SH3PXD2A: variants seen among roughly 807,000 people sequenced by gnomAD.
The protein encoded by SH3PXD2A is SH3 and PX domain-containing protein 2A.
In SH3PXD2A, 32 loss-of-function variants were observed where a neutral mutation model predicts 115.2. That is an observed-to-expected ratio of 0.28 (90% confidence interval 0.21 to 0.37). SH3PXD2A has a LOEUF of 0.37. SH3PXD2A is among the 10% of genes least tolerant of loss of function. SH3PXD2A has a pLI of 1.00. For synonymous variants in SH3PXD2A, 610 were observed against 629.1 expected (o/e 0.97, Z 0.45); for missense variants, 1,328 against 1,498.7 (o/e 0.89, Z 1.88).
chr10:103,803,943 G>A (rs4540778), intron 1 of SH3PXD2A, among the ~76,000 whole-genome samples: 83,258 of 151,998 alleles, frequency 0.55, 24,163 homozygotes, highest in South Asian at 0.69. Flanking sequence ...ACTCTAAGTC[G>A]GGGACGAGGG....
chr10:103,835,065 G>C (rs964303474), intron 1 of SH3PXD2A, among the ~76,000 whole-genome samples: 2 of 152,208 alleles, frequency 1.3e-5, no homozygotes, highest in Non-Finnish European at 2.9e-5. Flanking sequence ...ACACAGGTGG[G>C]GCAGAGGTGG....
chr10:103,739,257 T>C (rs74157322), intron 3 of SH3PXD2A, among the ~76,000 whole-genome samples: 4,769 of 152,298 alleles, frequency 0.031, 239 homozygotes, highest in African/African-American at 0.1. Context: ...CGGGCCACTG[T>C]GCCTGGGGCT....
chr10:103,666,858 G>A lies in SH3PXD2A; in HGVS notation c.472+1750C>T, dbSNP rs1391306408. Among the ~76,000 whole-genome samples the A allele has an allele frequency of 1.3e-5, 2 of 152,216 alleles. No individual in the cohort carries two copies. The highest frequency in any genetic ancestry group is 1.3e-4 in the Admixed American group (2 of 15,282). On this transcript the variant is annotated intron_variant, in intron 7 of 14. Coordinates refer to ENST00000369774, the MANE Select transcript of SH3PXD2A (RefSeq NM_001394015.1). This position sits in a 1 kb window ranked among gnomAD's most constrained non-coding sequence, Gnocchi z 4.5. Reference sequence around the variant, plus strand: ...CGTGGGCTCACCAGCAGGCAGCTCGGTGCCAGGGCTGCAGGTGCCAGGAGA... The same window carrying A: ...CGTGGGCTCACCAGCAGGCAGCTCGATGCCAGGGCTGCAGGTGCCAGGAGA...
chr10:103,763,583 C>A (rs2038722985), intron 3 of SH3PXD2A, among the ~76,000 whole-genome samples: 1 of 152,210 alleles, frequency 6.6e-6, no homozygotes, highest in African/African-American at 2.4e-5. Context: ...TCCCTTCAGA[C>A]ACCCTCCCTA....
chr10:103,655,381 C>T (rs1366257944), intron 8 of SH3PXD2A, among the ~76,000 whole-genome samples: 1 of 152,208 alleles, frequency 6.6e-6, no homozygotes, highest in Non-Finnish European at 1.5e-5. Flanking sequence ...TTTCTAGGAG[C>T]AGGCGAATGT....
At chr10:103,828,407 G>T (rs575291015) in intron 1 of SH3PXD2A, among the ~76,000 whole-genome samples, 4 of 152,246 alleles carry the variant, frequency 2.6e-5, no homozygotes, top group African/African-American at 9.6e-5. Context: ...TCAGAATTTG[G>T]TCAGCTTGGA....
intron 1 of SH3PXD2A, among the ~76,000 whole-genome samples, chr10:103,830,898 A>C (rs939206470): frequency 7.1e-6 from 1 of 140,608 alleles, no homozygotes; most frequent in African/African-American, 2.8e-5. Flanking sequence ...AAATAAAAAT[A>C]AGTCAGGATG....
At chr10:103,691,600 C>T (rs956803570) in intron 6 of SH3PXD2A, among the ~76,000 whole-genome samples, 5 of 152,134 alleles carry the variant, frequency 3.3e-5, no homozygotes, top group African/African-American at 4.8e-5. Flanking sequence ...TGGCCTTCTG[C>T]ACCAGTGGGT....
intron 4 of SH3PXD2A, among the ~76,000 whole-genome samples, chr10:103,727,795 G>C (rs2038259859): frequency 6.6e-6 from 1 of 152,240 alleles, no homozygotes; most frequent in Non-Finnish European, 1.5e-5. Flanking sequence ...AGCCCTGAGG[G>C]GAGCCGCGTG....
chr10:103,820,523 G>A (rs748976804), intron 1 of SH3PXD2A, among the ~76,000 whole-genome samples: 10 of 152,102 alleles, frequency 6.6e-5, no homozygotes, highest in Non-Finnish European at 1.2e-4. Flanking sequence ...TCCTCCCCCA[G>A]TGCCCCCTCA....
At chr10:103,613,311 T>A in intron 11 of SH3PXD2A, 121 bp from the exon 12 acceptor site, 1 of 725,916 alleles carries the variant, frequency 1.4e-6, no homozygotes, top group Non-Finnish European at 2.2e-6. Context: ...CTGCAAGGCT[T>A]GGCAATCCCA....
Position 103,605,819 on chromosome 10 carries a change from A to G in SH3PXD2A, c.1407T>C (p.Phe469=). 6.2e-7 allele frequency: 1 copy of G among 1,614,116 alleles called. No homozygotes were observed. Among genetic ancestry groups the G allele is most frequent in the Non-Finnish European group, 8.5e-7 (1 of 1,179,944 alleles). Residue 469 remains phenylalanine (F), a synonymous_variant, in exon 14 of 15, where the codon TTT becomes TTC. Transcript: ENST00000369774. Reference sequence around the variant, plus strand: ...TTACCTCTGCCTTCTGTCCACCCCGAAAGCTGATGCCATCGGAAATGCACG... The same window carrying G: ...TTACCTCTGCCTTCTGTCCACCCCGGAAGCTGATGCCATCGGAAATGCACG... ...FQSCISDGIS[F]RGGQKAEVID...
intron 1 of SH3PXD2A, among the ~76,000 whole-genome samples, chr10:103,823,316 A>G (rs1294691716): frequency 6.6e-6 from 1 of 152,218 alleles, no homozygotes; most frequent in African/African-American, 2.4e-5. Flanking sequence ...CTTGAAGGCA[A>G]TGCTGGCTTT....
At chr10:103,736,051 A>G (rs923851408) in intron 3 of SH3PXD2A, among the ~76,000 whole-genome samples, 1 of 152,168 alleles carries the variant, frequency 6.6e-6, no homozygotes, top group African/African-American at 2.4e-5. Context: ...TTGGGATTCA[A>G]TGAGTGACTT....
chr10:103,619,653 A>G (rs1338851112), intron 10 of SH3PXD2A, among the ~76,000 whole-genome samples: 2 of 152,160 alleles, frequency 1.3e-5, no homozygotes, highest in Admixed American at 1.3e-4. Flanking sequence ...CGTGGAAGAC[A>G]GAATCCCGTG....
intron 5 of SH3PXD2A, among the ~76,000 whole-genome samples, chr10:103,699,794 G>A (rs2037870003): frequency 6.6e-6 from 1 of 152,246 alleles, no homozygotes. Flanking sequence ...TGTTTAACAA[G>A]AATCTGTCCT....
intron 6 of SH3PXD2A, among the ~76,000 whole-genome samples, chr10:103,687,343 C>T (rs2037691631): frequency 6.6e-6 from 1 of 152,282 alleles, no homozygotes; most frequent in South Asian, 2.1e-4. Flanking sequence ...TCGTTCTGTT[C>T]CTTTAGTTGA....
intron 5 of SH3PXD2A, among the ~76,000 whole-genome samples, chr10:103,720,645 C>A (rs936615098): frequency 6.6e-6 from 1 of 152,252 alleles, no homozygotes; most frequent in Non-Finnish European, 1.5e-5. Context: ...ACTCCACAGT[C>A]GCCCCAGAGT....
At chr10:103,753,426 G>A (rs766099955) in intron 3 of SH3PXD2A, among the ~76,000 whole-genome samples, 3 of 148,894 alleles carry the variant, frequency 2.0e-5, no homozygotes, top group African/African-American at 7.5e-5. Context: ...AACCCAGGAG[G>A]CAGAGGTTGC....
Sources: allele counts gnomAD v4.1 joint callset (sites outside exome capture counted in the v4.1 genomes callset), GRCh38; gene constraint gnomAD v4.1.1; non-coding constraint Gnocchi (gnomAD v3.1); transcripts MANE v1.5; gene names NCBI Gene and HGNC (gene_info 2026-07-23, HGNC 2026-07-21).